CYP4B1: variants seen among roughly 807,000 people sequenced by gnomAD.
CYP4B1 encodes cytochrome P450 4B1.
Under a neutral mutation model 54.0 loss-of-function variants are expected in CYP4B1, and 45 were observed. The ratio of observed to expected loss-of-function variants is 0.83; its 90% CI spans 0.66 to 1.07. The LOEUF (loss-of-function observed/expected upper bound fraction) is 1.07, where lower values mean the gene tolerates loss of function less well. Among genes scored for constraint, CYP4B1 ranks in the 50% least tolerant of loss-of-function variants. The pLI is 0.00. For synonymous variants in CYP4B1, 248 were observed against 247.5 expected, an observed-to-expected ratio of 1.00 and a Z score of -0.02; for missense variants, 656 against 655.4, an observed-to-expected ratio of 1.00 and a Z score of -0.01.
intron 1 of CYP4B1, among the ~76,000 whole-genome samples, chr1:46,808,559 G>A (rs1182459584): frequency 1.3e-5 from 2 of 152,010 alleles, no homozygotes; most frequent in Non-Finnish European, 2.9e-5. Context: ...TTTGTCAGAT[G>A]AGTAGGTTGC....
At chr1:46,817,496 C>A (rs1679383539) in intron 9 of CYP4B1, 1 of 457,616 alleles carries the variant, frequency 2.2e-6, no homozygotes, top group Non-Finnish European at 4.0e-6. Context: ...GGGAGCAACA[C>A]TCACATAGAC....
At chr1:46,818,422 C>T (rs1679424322) in intron 11 of CYP4B1, among the ~76,000 whole-genome samples, 1 of 152,150 alleles carries the variant, frequency 6.6e-6, no homozygotes, top group South Asian at 2.1e-4. Flanking sequence ...CAAGAGAGAA[C>T]CCCATGCCAG....
At chr1:46,812,441 C>T in intron 3 of CYP4B1, 55 bp from the exon 4 acceptor site, 3 of 1,567,982 alleles carry the variant, frequency 1.9e-6, no homozygotes, top group South Asian at 1.2e-5. Context: ...TGTGCTTAGC[C>T]CCAGGCTGCC....
intron 3 of CYP4B1, chr1:46,812,157 C>CT: frequency 2.1e-6 from 1 of 483,894 alleles, no homozygotes; most frequent in South Asian, 1.5e-5. Context: ...CAGGCTCCCC[C>CT]TCTGCTTGGC....
intron 1 of CYP4B1, among the ~76,000 whole-genome samples, chr1:46,803,914 A>T (rs1678755997): frequency 6.6e-6 from 1 of 152,168 alleles, no homozygotes; most frequent in Admixed American, 6.5e-5. Context: ...TTTTGGGGAC[A>T]AAAGTGTACG....
At chr1:46,803,964 A>G (rs1415584284) in intron 1 of CYP4B1, among the ~76,000 whole-genome samples, 1 of 152,094 alleles carries the variant, frequency 6.6e-6, no homozygotes, top group Non-Finnish European at 1.5e-5. Context: ...GCTGGGTCTG[A>G]AGAATCTGGA....
intron 1 of CYP4B1, among the ~76,000 whole-genome samples, chr1:46,806,999 G>A (rs1678888106): frequency 2.0e-5 from 3 of 152,218 alleles, no homozygotes; most frequent in Non-Finnish European, 4.4e-5. Flanking sequence ...ACCAGGTGCT[G>A]GGAGCTGTCC....
At chr1:46,816,108 C>A (rs3766198) in intron 8 of CYP4B1, among the ~76,000 whole-genome samples, 58,825 of 152,086 alleles carry the variant, frequency 0.39, 13,154 homozygotes, top group African/African-American at 0.62. Flanking sequence ...GAATCCCCCC[C>A]CCACGGGGTA....
At chr1:46,813,384 G>A in intron 4 of CYP4B1, 98 bp from the exon 5 acceptor site, 1 of 1,455,446 alleles carries the variant, frequency 6.9e-7, no homozygotes, top group Non-Finnish European at 9.5e-7. Context: ...CTTGGTGGTG[G>A]AGGATAGGCT....
In CYP4B1 at chr1:46,811,678, G is replaced by A. The variant is rs566263575; in HGVS notation, c.367+494G>A. Among the ~76,000 whole-genome samples the A allele has an allele frequency of 2.0e-5, 3 of 152,316 alleles. No individual in the cohort carries two copies. In the South Asian group the frequency reaches 6.2e-4, roughly 32 times the overall value. On this transcript the variant is annotated intron_variant, in intron 3 of 11. Coordinates refer to ENST00000371923, the MANE Select transcript of CYP4B1 (RefSeq NM_001099772.2). ...GGAGGTGATTTGATGTTGAGAGTAG[G>A]TGGGAGTCATTGAGTATTTTATTTT...
At chr1:46,813,171 G>C (rs996094494) in intron 4 of CYP4B1, among the ~76,000 whole-genome samples, 2 of 152,132 alleles carry the variant, frequency 1.3e-5, no homozygotes, top group Non-Finnish European at 2.9e-5. Context: ...TACACCATGC[G>C]GGGGAGCTCA....
rs768642747 is a variant in CYP4B1 at position 46,818,739 on chromosome 1, G to A, written c.1464G>A (p.Met488Ile). 6.2e-7 allele frequency: 1 copy of A among 1,614,176 alleles called. No homozygotes were observed. Residue 488 changes from methionine to isoleucine, a missense_variant, in exon 12 of 12, where the codon ATG becomes ATA. Transcript: ENST00000371923. Reference protein sequence around the residue: ...SLDPSRLPIKMPQLVLRSKNG... With the variant: ...SLDPSRLPIKIPQLVLRSKNG... The stretch of plus-strand genomic sequence containing the variant: ...ACCCCTCACGGCTGCCCATCAAGAT[G>A]CCCCAGCTTGTCCTGCGCTCCAAGA...
At position 46,817,039 on chromosome 1, in the gene CYP4B1, T is replaced by C. The variant is rs1390931743; in HGVS notation, c.1074-9T>C. On this transcript the variant is annotated splice_polypyrimidine_tract_variant and intron_variant, in intron 8 of 11. Transcript: ENST00000371923. ...CATTCCAAGAATGTTCTGGTTGTGT[T>C]GCTGGCAGGGATGATCTGGGCAAAA... is the stretch of plus-strand genomic sequence containing the variant. The C allele has an allele frequency of 2.5e-6, 4 of 1,613,402 alleles. No homozygotes were observed. The highest frequency in any genetic ancestry group is 1.7e-6 in the Non-Finnish European group (2 of 1,179,460).
intron 5 of CYP4B1, 119 bp downstream of exon 5, chr1:46,813,725 G>T: frequency 1.3e-6 from 2 of 1,491,306 alleles, no homozygotes; most frequent in Admixed American, 1.9e-5. Context: ...GGGAGCCTTA[G>T]CTTGCGGGGA....
chr1:46,814,320 G>A lies in CYP4B1; in HGVS notation c.882+5G>A. The A allele has an allele frequency of 6.2e-7, 1 of 1,609,116 alleles. No individual in the cohort carries two copies. Among genetic ancestry groups the A allele is most frequent in the Non-Finnish European group, 8.5e-7 (1 of 1,176,706 alleles). On this transcript the variant is annotated splice_donor_5th_base_variant and intron_variant, in intron 7 of 11. Coordinates refer to ENST00000371923, the MANE Select transcript of CYP4B1 (RefSeq NM_001099772.2). ...GACATTCTCCTGGGTGCCCGGGTGAGTACATTGTTGCCCACCCCTACCTGA... is the reference window on the plus strand; with the variant it reads ...GACATTCTCCTGGGTGCCCGGGTGAATACATTGTTGCCCACCCCTACCTGA...
chr1:46,815,655 GC>G (rs1271849682), intron 8 of CYP4B1, among the ~76,000 whole-genome samples: 2 of 152,188 alleles, frequency 1.3e-5, no homozygotes, highest in Non-Finnish European at 2.9e-5. Flanking sequence ...CCAGTTCCTT[GC>G]TACTTGCCTT....
intron 1 of CYP4B1, among the ~76,000 whole-genome samples, chr1:46,807,451 G>T (rs1678907366): frequency 6.6e-6 from 1 of 152,196 alleles, no homozygotes; most frequent in Non-Finnish European, 1.5e-5. Flanking sequence ...ATGGAGAGAA[G>T]GGGAATGGCC....
Position 46,799,052 on chromosome 1 carries a change from G to T in CYP4B1, c.-30G>T, listed in dbSNP as rs2297813. 143,427 of 1,611,484 alleles carry T rather than the reference G, an allele frequency of 0.089. 7,149 individuals carry two copies. The highest frequency in any genetic ancestry group is 0.19 in the East Asian group (8,422 of 44,798). On this transcript the variant is annotated 5_prime_UTR_variant, in exon 1 of 12. Coordinates refer to ENST00000371923, the MANE Select transcript of CYP4B1 (RefSeq NM_001099772.2). ...CCCAGGAGCAGCTGAAGGCAGGTCA[G>T]ATGAAGGCTAGGTGGCTGGAACTGC...
At chr1:46,816,891 T>C (rs1679355286) in intron 8 of CYP4B1, among the ~76,000 whole-genome samples, 157 bp from the exon 9 acceptor site, 1 of 152,184 alleles carries the variant, frequency 6.6e-6, no homozygotes, top group South Asian at 2.1e-4. Flanking sequence ...GTTCACACCA[T>C]GTCAGGCCTA....
Sources: gnomAD v4.1 joint callset for allele counts (sites outside exome capture counted in the v4.1 genomes callset) on GRCh38, gnomAD v4.1.1 for gene constraint, MANE v1.5 for transcripts, NCBI Gene and HGNC (gene_info 2026-07-23, HGNC 2026-07-21) for gene names.